CDC45: variants seen among roughly 807,000 people sequenced by gnomAD.
CDC45 encodes cell division control protein 45 homolog.
CDC45 carries 54 observed loss-of-function variants against 77.8 expected under a neutral mutation model. That is an observed-to-expected ratio of 0.69 (90% confidence interval 0.56 to 0.87). The LOEUF (loss-of-function observed/expected upper bound fraction) is 0.87, where lower values mean the gene tolerates loss of function less well. CDC45 is among the 40% of genes least tolerant of loss of function. The pLI is 0.00. For synonymous variants in CDC45, 260 were observed against 272.1 expected, an observed-to-expected ratio of 0.96 and a Z score of 0.44; for missense variants, 649 against 721.6, an observed-to-expected ratio of 0.90 and a Z score of 1.15.
At chr22:19,506,795 A>G (rs1452370319) in intron 10 of CDC45, among the ~76,000 whole-genome samples, 2 of 152,146 alleles carry the variant, frequency 1.3e-5, no homozygotes, top group Non-Finnish European at 2.9e-5. Context: ...TCAGCCAGGC[A>G]TGGTGGCGGG....
rs1188155974 is a variant in CDC45, at chr22:19,507,324, G to A, written c.825-62G>A. ...CGCCATCAGAGTGGCCCACCTGCTGGAGTTACGAGAGTGCTCAGGGCGGCC... is the reference window on the plus strand; with the variant it reads ...CGCCATCAGAGTGGCCCACCTGCTGAAGTTACGAGAGTGCTCAGGGCGGCC... On this transcript the variant is annotated intron_variant, in intron 10 of 18. Transcript: ENST00000263201. 5.7e-6 allele frequency: 9 copies of A among 1,585,726 alleles called. No homozygotes were observed. The East Asian group carries it at 2.0e-4, about 36-fold the overall frequency.
chr22:19,503,189 C>G (rs1601960398), intron 9 of CDC45, among the ~76,000 whole-genome samples: 2 of 151,970 alleles, frequency 1.3e-5, no homozygotes, highest in Non-Finnish European at 2.9e-5. Flanking sequence ...CAGGCAGAAA[C>G]TTTCTCATAG....
chr22:19,508,156 A>G (rs1270550865), intron 12 of CDC45, among the ~76,000 whole-genome samples: 1 of 152,096 alleles, frequency 6.6e-6, no homozygotes, highest in African/African-American at 2.4e-5. Flanking sequence ...GGTCGACCCC[A>G]GTCTGTTTCA....
chr22:19,505,149 G>C, intron 9 of CDC45: 1 of 577,030 alleles, frequency 1.7e-6, no homozygotes, highest in East Asian at 3.0e-5. Context: ...AGGTGGACAA[G>C]GCTAGAGACC....
chr22:19,506,503 A>G (rs923225901), intron 10 of CDC45, among the ~76,000 whole-genome samples: 1 of 152,034 alleles, frequency 6.6e-6, no homozygotes, highest in Non-Finnish European at 1.5e-5. Context: ...TGGGAGGGGC[A>G]GTGGTGGGAA....
chr22:19,517,839 G>A (rs1933883452), intron 17 of CDC45, among the ~76,000 whole-genome samples: 1 of 152,204 alleles, frequency 6.6e-6, no homozygotes, highest in African/African-American at 2.4e-5. Context: ...CTAAGGTCCT[G>A]GGGGTAAGGG....
At chr22:19,503,167 A>T (rs1319590824) in intron 9 of CDC45, among the ~76,000 whole-genome samples, 2 of 152,082 alleles carry the variant, frequency 1.3e-5, no homozygotes, top group Non-Finnish European at 2.9e-5. Context: ...ACCCTGTTTT[A>T]AAAAAAGAAA....
intron 5 of CDC45, among the ~76,000 whole-genome samples, chr22:19,486,972 G>A (rs889436730): frequency 1.0e-4 from 15 of 150,200 alleles, no homozygotes; most frequent in African/African-American, 3.4e-4. Flanking sequence ...CACCGTGCCC[G>A]GCTGCTTTTT....
At chr22:19,505,621 TG>T (rs1933128579) in intron 10 of CDC45, 140 bp downstream of exon 10, 4 of 860,442 alleles carry the variant, frequency 4.6e-6, no homozygotes, top group Non-Finnish European at 7.3e-6. Flanking sequence ...GGGAAGGGGC[TG>T]TGGTGTGCTA....
At position 19,516,822 on chromosome 22, in the gene CDC45, T is replaced by C. The variant is rs1423562877; in HGVS notation, c.1565T>C (p.Phe522Ser). 4 of 1,614,064 alleles carry C rather than the reference T, an allele frequency of 2.5e-6. No individual in the cohort carries two copies. The highest frequency in any genetic ancestry group is 3.4e-6 in the Non-Finnish European group (4 of 1,179,950). Residue 522 changes from phenylalanine (F) to serine (S), a missense_variant, in exon 17 of 19, where the codon TTT (phenylalanine) becomes TCT (serine). Phe to Ser is a radical substitution (Grantham distance 155, BLOSUM62 -2). Transcript: ENST00000263201. ...ETDSSDRKNF[F>S]GRAFEKAAES... is the part of the protein sequence containing the mutation. ...CATGTCTTGTGTGTCAGCAGCTTTT[T>C]TGGGAGGGCGTTTGAGAAGGCAGCG... is the stretch of plus-strand genomic sequence containing the variant.
intron 15 of CDC45, 166 bp from the exon 16 acceptor site, chr22:19,516,361 T>G: frequency 1.5e-6 from 1 of 667,944 alleles, no homozygotes; most frequent in Non-Finnish European, 2.7e-6. Flanking sequence ...ACACTGGCCT[T>G]GGGCATCTAA....
chr22:19,515,447 G>A lies in CDC45; in HGVS notation c.1440+399G>A, dbSNP rs189467016. 4.5e-4 allele frequency among the ~76,000 whole-genome samples: 69 copies of A among 152,238 alleles called. 1 individual carries two copies. The highest frequency in any genetic ancestry group is 2.4e-3 in the Admixed American group (36 of 15,288). On this transcript the variant is annotated intron_variant, in intron 15 of 18. Coordinates refer to ENST00000263201, the MANE Select transcript of CDC45 (RefSeq NM_003504.5). Reference sequence around the variant, plus strand: ...CTGTGTGGCCTAACCCCCTCTTTGCGTTGGCGTGGAACACACTCCTAACTT... The same window carrying A: ...CTGTGTGGCCTAACCCCCTCTTTGCATTGGCGTGGAACACACTCCTAACTT...
chr22:19,512,310 C>A (rs762556169), intron 13 of CDC45, among the ~76,000 whole-genome samples: 1 of 152,240 alleles, frequency 6.6e-6, no homozygotes, highest in Non-Finnish European at 1.5e-5. Flanking sequence ...TGGGCCGCTG[C>A]TCTCCAGTTG....
At chr22:19,488,860 A>G (rs1174097123) in intron 5 of CDC45, among the ~76,000 whole-genome samples, 3 of 152,198 alleles carry the variant, frequency 2.0e-5, no homozygotes, top group Non-Finnish European at 4.4e-5. Flanking sequence ...GAAGTAATAT[A>G]GAGAGATCAC....
intron 12 of CDC45, 72 bp from the exon 13 acceptor site, chr22:19,508,458 T>TC: frequency 6.6e-7 from 1 of 1,511,774 alleles, no homozygotes; most frequent in Non-Finnish European, 9.2e-7. Context: ...CATTAGCACA[T>TC]CTGTTGGCCT....
intron 15 of CDC45, 28 bp downstream of exon 15, chr22:19,515,076 A>G (rs1401734147): frequency 6.4e-7 from 1 of 1,566,326 alleles, no homozygotes; most frequent in Non-Finnish European, 8.7e-7. Context: ...TGCTGTGGGT[A>G]CAGGAGGGCA....
chr22:19,497,231 G>C (rs1399446386), intron 7 of CDC45, among the ~76,000 whole-genome samples, 155 bp from the exon 8 acceptor site: 1 of 152,202 alleles, frequency 6.6e-6, no homozygotes, highest in African/African-American at 2.4e-5. Flanking sequence ...CATCCCACAT[G>C]TCGGGCTGGA....
chr22:19,493,644 ATGT>A (rs1387975043), intron 5 of CDC45, among the ~76,000 whole-genome samples: 1 of 151,938 alleles, frequency 6.6e-6, no homozygotes, highest in Non-Finnish European at 1.5e-5. Flanking sequence ...GGGTTTTACC[ATGT>A]TGGCCAGGCT....
chr22:19,486,583 A>G (rs1174573814), intron 5 of CDC45, among the ~76,000 whole-genome samples: 1 of 152,250 alleles, frequency 6.6e-6, no homozygotes, highest in Non-Finnish European at 1.5e-5. Context: ...AATTAGGTCT[A>G]GAGCGTTGAT....
Sources: gnomAD v4.1 joint callset for allele counts (sites outside exome capture counted in the v4.1 genomes callset) on GRCh38, gnomAD v4.1.1 for gene constraint, MANE v1.5 for transcripts, NCBI Gene and HGNC (gene_info 2026-07-23, HGNC 2026-07-21) for gene names.